Variants in KCNQ2 observed in about 807,000 individuals in gnomAD.
KCNQ2 encodes the protein potassium voltage-gated channel subfamily Q member 2.
KCNQ2 carries 14 observed loss-of-function variants against 84.8 expected under a neutral mutation model. That is an observed-to-expected ratio of 0.17 (90% CI 0.11 to 0.26). The LOEUF (loss-of-function observed/expected upper bound fraction) is 0.26. KCNQ2 is among the 10% of genes least tolerant of loss of function. The pLI is 1.00. For synonymous variants in KCNQ2, 599 were observed against 554.1 expected (o/e 1.08, Z -1.14); for missense variants, 788 against 1,254.0 (o/e 0.63, Z 5.61).
chr20:63,417,601 G>A (rs2080334920), intron 12 of KCNQ2, among the ~76,000 whole-genome samples: 1 of 152,230 alleles, frequency 6.6e-6, no homozygotes. Flanking sequence ...ATGGGCATCA[G>A]ATTCCCACCT....
chr20:63,437,397 C>A (rs1426936951), intron 7 of KCNQ2: 1 of 152,254 alleles, frequency 6.6e-6, no homozygotes, highest in African/African-American at 2.4e-5. Flanking sequence ...CTTCTTAAAA[C>A]TCTTGCCTGG....
At chr20:63,466,210 C>T (rs573848377) in intron 1 of KCNQ2, among the ~76,000 whole-genome samples, 85 of 152,302 alleles carry the variant, frequency 5.6e-4, no homozygotes, top group African/African-American at 1.9e-3. Context: ...GGCATCTCCG[C>T]GGCCGGTCCC....
intron 1 of KCNQ2, among the ~76,000 whole-genome samples, chr20:63,464,205 C>A (rs6122456): frequency 0.077 from 11,753 of 152,138 alleles, 975 homozygotes; most frequent in East Asian, 0.46. Context: ...CCCAGCATCC[C>A]CTGTCTGGGG....
At chr20:63,431,247 G>T in intron 9 of KCNQ2, 93 bp downstream of exon 9, 1 of 1,436,798 alleles carries the variant, frequency 7.0e-7, no homozygotes. Flanking sequence ...GACCGGGTGG[G>T]CCACGGGGCT....
rs987135282 is a variant in KCNQ2, at chr20:63,425,508, T to C, written c.1218-1302A>G. 1.3e-5 allele frequency among the ~76,000 whole-genome samples: 2 copies of C among 151,956 alleles called. No homozygotes were observed. Among genetic ancestry groups the C allele is most frequent in the African/African-American group, 4.8e-5 (2 of 41,378 alleles). On this transcript the variant is annotated intron_variant, in intron 10 of 16. Transcript: ENST00000359125. The surrounding 1 kb of genome is among the most constrained non-coding windows in gnomAD (Gnocchi z 5.5). ...GCCGAGGCGGGTGGATCACCTGAGGTCAGGAGTTCGAGACCAGCCTGACCA... is the reference window on the plus strand; with the variant it reads ...GCCGAGGCGGGTGGATCACCTGAGGCCAGGAGTTCGAGACCAGCCTGACCA...
intron 1 of KCNQ2, chr20:63,466,425 C>G (rs1189894661): frequency 2.6e-5 from 4 of 152,276 alleles, no homozygotes; most frequent in African/African-American, 9.7e-5. Context: ...CACGGCCCAG[C>G]CGCTGACCAA....
chr20:63,410,952 C>T (rs2080102893), intron 15 of KCNQ2: 3 of 451,372 alleles, frequency 6.6e-6, no homozygotes, highest in Admixed American at 2.4e-5. Context: ...AGGGAACCAC[C>T]GTCATCTGAA....
At chr20:63,458,010 GGACAGA>G (rs2081849240) in intron 1 of KCNQ2, among the ~76,000 whole-genome samples, 1 of 152,128 alleles carries the variant, frequency 6.6e-6, no homozygotes, top group African/African-American at 2.4e-5. Flanking sequence ...CACAGGTGCT[GGACAGA>G]GACCCAGCCG....
In KCNQ2 at chr20:63,404,378, ATACTGGTGGGGGAGGAAAGAGCAGGCG is replaced by A. The variant is rs1289785109; in HGVS notation, c.*2239_*2265del. 1.5e-5 allele frequency: 2 copies of A among 132,766 alleles called. No individual in the cohort carries two copies. The highest frequency in any genetic ancestry group is 6.2e-5 in the African/African-American group (2 of 32,486). The allele number at this position is 132,766 out of a possible 1,614,324, so 8.2% of individuals were successfully genotyped here. On this transcript the variant is annotated 3_prime_UTR_variant, in exon 17 of 17. Transcript: ENST00000359125. ...GGGGGAGGAAAGAGCAGGTGGGGCC[ATACTGGTGGGGGAGGAAAGAGCAGGCG>A]GGGCCACACCTGGCGGGGGAGGAAA...
intron 15 of KCNQ2, chr20:63,410,080 T>C: frequency 4.0e-6 from 1 of 250,128 alleles, no homozygotes; most frequent in South Asian, 3.9e-5. Flanking sequence ...TCCGCGGGGC[T>C]TCATGCTGGA....
At chr20:63,444,981 G>A (rs184225932) in intron 3 of KCNQ2, 147 bp from the exon 4 acceptor site, 6 of 1,046,186 alleles carry the variant, frequency 5.7e-6, no homozygotes, top group African/African-American at 3.2e-5. Context: ...TCAGGCCCCA[G>A]GAAGGACATT....
chr20:63,431,800 C>G (rs1193987271), intron 8 of KCNQ2, among the ~76,000 whole-genome samples: 2 of 152,172 alleles, frequency 1.3e-5, no homozygotes, highest in Admixed American at 1.3e-4. Flanking sequence ...AAGAAGAATC[C>G]TGGGCCCCAC....
Position 63,472,390 on chromosome 20 carries a change from A to C in KCNQ2, c.74T>G (p.Val25Gly). The change falls in exon 1 of 17, where the codon GTG becomes GGG. Residue 25 changes from valine to glycine, a missense_variant. Coordinates refer to ENST00000359125, the MANE Select transcript of KCNQ2 (RefSeq NM_172107.4). ...SGEKKLKVGF[V>G]GLDPGAPDST... Reference sequence around the variant, plus strand: ...GTCGGGCGCGCCGGGGTCCAGCCCCACGAAGCCCACCTTCAGCTTCTTCTC... The same window carrying C: ...GTCGGGCGCGCCGGGGTCCAGCCCCCCGAAGCCCACCTTCAGCTTCTTCTC... The C allele has an allele frequency of 2.0e-6, 3 of 1,536,926 alleles. No homozygotes were observed. Among genetic ancestry groups the C allele is most frequent in the Non-Finnish European group, 2.6e-6 (3 of 1,144,624 alleles).
At chr20:63,435,407 A>G (rs2080964952) in intron 7 of KCNQ2, among the ~76,000 whole-genome samples, 1 of 150,706 alleles carries the variant, frequency 6.6e-6, no homozygotes, top group East Asian at 1.9e-4. Context: ...AAAAAAAAAA[A>G]GTTGGCCATC....
intron 2 of KCNQ2, among the ~76,000 whole-genome samples, chr20:63,445,954 G>A (rs55826227): frequency 4.7e-4 from 4 of 8,526 alleles, no homozygotes; most frequent in African/African-American, 4.4e-4. Flanking sequence ...GAGCTGGGAG[G>A]CCCTGTCTGA....
At chr20:63,454,397 G>A (rs1248971513) in intron 1 of KCNQ2, among the ~76,000 whole-genome samples, 11 of 152,244 alleles carry the variant, frequency 7.2e-5, no homozygotes, top group Admixed American at 7.2e-4. Context: ...TGCAGGGGAG[G>A]CAGAGAGACG....
In KCNQ2 at chr20:63,420,640, G is replaced by A. The variant is rs375229215; in HGVS notation, c.1248-968C>T. Among the ~76,000 whole-genome samples the A allele has an allele frequency of 2.0e-5, 3 of 152,110 alleles. No individual in the cohort carries two copies. In the South Asian group the frequency reaches 6.2e-4, roughly 32 times the overall value. ...GACACCGATGTCCCTGCACGCACCCGCAGGCAGCTCTCCGAGCGGCGTCAC... is the reference window on the plus strand; with the variant it reads ...GACACCGATGTCCCTGCACGCACCCACAGGCAGCTCTCCGAGCGGCGTCAC... On this transcript the variant is annotated intron_variant, in intron 11 of 16. Transcript: ENST00000359125.
chr20:63,467,359 G>C (rs755291119), intron 1 of KCNQ2, among the ~76,000 whole-genome samples: 1 of 152,198 alleles, frequency 6.6e-6, no homozygotes, highest in Non-Finnish European at 1.5e-5. Context: ...GCTCCTCTAC[G>C]GCTCCTCTAC....
At chr20:63,449,505 G>C (rs143221022) in intron 1 of KCNQ2, among the ~76,000 whole-genome samples, 1 of 152,358 alleles carries the variant, frequency 6.6e-6, no homozygotes, top group Non-Finnish European at 1.5e-5. Flanking sequence ...GTGAGCACAG[G>C]TCAGCGTTGG....
Sources: gnomAD v4.1 joint callset for allele counts (sites outside exome capture counted in the v4.1 genomes callset) on GRCh38, gnomAD v4.1.1 for gene constraint, Gnocchi (gnomAD v3.1) non-coding constraint, MANE v1.5 for transcripts, NCBI Gene and HGNC (gene_info 2026-07-23, HGNC 2026-07-21) for gene names.